Variants in PARD3B observed in about 807,000 individuals in gnomAD.
PARD3B encodes par-3 family cell polarity regulator beta, also known as partitioning defective 3 homolog B.
In PARD3B, 103 loss-of-function variants were observed where a neutral mutation model predicts 130.2. That is an observed-to-expected ratio of 0.79 (90% CI 0.67 to 0.93). The LOEUF is 0.93. Among genes scored for constraint, PARD3B ranks in the 40% least tolerant of loss-of-function variants. The pLI, the probability that PARD3B is intolerant of heterozygous loss-of-function variation, is 0.00. For synonymous variants in PARD3B, 583 were observed against 553.2 expected, an observed-to-expected ratio of 1.05 and a Z score of -0.76; for missense variants, 1,609 against 1,499.2, an observed-to-expected ratio of 1.07 and a Z score of -1.21.
At chr2:204,950,680 T>C (rs1689695735) in intron 2 of PARD3B, among the ~76,000 whole-genome samples, 1 of 152,174 alleles carries the variant, frequency 6.6e-6, no homozygotes, top group South Asian at 2.1e-4. Flanking sequence ...AAACAAGACA[T>C]CTCTGCATTT....
rs2048523145 is a variant in PARD3B, at chr2:205,463,522, A to G, written c.3044+22850A>G. 6.6e-6 allele frequency among the ~76,000 whole-genome samples: 1 copy of G among 152,152 alleles called. No individual in the cohort carries two copies. The highest frequency in any genetic ancestry group is 1.5e-5 in the Non-Finnish European group (1 of 68,034). On this transcript the variant is annotated intron_variant, in intron 20 of 22. Transcript: ENST00000406610. This position sits in a 1 kb window ranked among gnomAD's most constrained non-coding sequence, Gnocchi z 4.8. ...TAATTAAGAAGCCAAAATTGGCTAT[A>G]AGCTCAGTGAGCTCTGAGAACGGGG...
intron 10 of PARD3B, among the ~76,000 whole-genome samples, chr2:205,156,280 G>A (rs1374373273): frequency 7.5e-6 from 1 of 133,818 alleles, no homozygotes; most frequent in South Asian, 2.7e-4. Flanking sequence ...GCGGGGGGGG[G>A]AGGAATAGCA....
intron 1 of PARD3B, among the ~76,000 whole-genome samples, chr2:204,636,561 A>G (rs1050452649): frequency 5.3e-5 from 8 of 151,694 alleles, no homozygotes; most frequent in Non-Finnish European, 8.8e-5. Context: ...TCTACCTGAA[A>G]TCTCACAAAG....
In PARD3B at chr2:205,193,270, C is replaced by T. The variant is rs777246153; in HGVS notation, c.2090C>T (p.Ala697Val). ...ATCAACTTCAGATCTGTGACACCGG[C>T]CAGGCAGCCTGAATCAATTAATTTG... ...QHINFRSVTP[A>V]RQPESINLKA... Residue 697 changes from alanine to valine, a missense_variant, in exon 15 of 23, where the codon GCC becomes GTC. Physicochemically the swap from Ala to Val is moderately conservative, Grantham distance 64. Coordinates refer to ENST00000406610, the MANE Select transcript of PARD3B (RefSeq NM_001302769.2). The T allele has an allele frequency of 1.9e-6, 3 of 1,613,680 alleles. No homozygotes were observed. Among genetic ancestry groups the T allele is most frequent in the South Asian group, 1.1e-5 (1 of 91,064 alleles).
At chr2:205,194,950 A>ATTTTTTTTTTTT (rs56836818) in intron 15 of PARD3B, among the ~76,000 whole-genome samples, 219 of 111,158 alleles carry the variant, frequency 2.0e-3, no homozygotes, top group African/African-American at 5.6e-3. Context: ...CGCCAGGCTA[A>ATTTTTTTTTTTT]TTTTTTTTTT....
chr2:204,683,690 C>T (rs1374476510), intron 1 of PARD3B, among the ~76,000 whole-genome samples: 1 of 151,958 alleles, frequency 6.6e-6, no homozygotes, highest in African/African-American at 2.4e-5. Context: ...TGTTTTTGTT[C>T]AGGGTTAGGT....
chr2:205,326,627 T>G (rs2042948519), intron 18 of PARD3B, among the ~76,000 whole-genome samples: 1 of 152,160 alleles, frequency 6.6e-6, no homozygotes, highest in South Asian at 2.1e-4. Flanking sequence ...GGGAAAAAAT[T>G]TACAATCTTA....
chr2:204,643,115 C>CAAAA (rs71029202), intron 1 of PARD3B, among the ~76,000 whole-genome samples: 592 of 31,792 alleles, frequency 0.019, 49 homozygotes, highest in African/African-American at 0.055. Context: ...CTCTGTCTCA[C>CAAAA]AAAAAAAAAA....
chr2:205,609,428 G>A (rs747700188), intron 22 of PARD3B, among the ~76,000 whole-genome samples: 2 of 152,108 alleles, frequency 1.3e-5, no homozygotes, highest in Non-Finnish European at 2.9e-5. Context: ...TTCTGCCAAC[G>A]GGTACAGGCA....
intron 2 of PARD3B, among the ~76,000 whole-genome samples, chr2:204,964,509 G>T (rs973451785): frequency 6.6e-6 from 1 of 152,160 alleles, no homozygotes; most frequent in Non-Finnish European, 1.5e-5. Flanking sequence ...AGTCTTATTG[G>T]ACTTAGCATT....
At position 205,312,337 on chromosome 2, in the gene PARD3B, C is replaced by T. The variant is rs141613660; in HGVS notation, c.2630+10636C>T. ...GTGCTTTGCTTCATGAAGTAGAGGC[C>T]GGTTTGAAACATGAAATTTCAGATG... On this transcript the variant is annotated intron_variant, in intron 18 of 22. Transcript: ENST00000406610. 4.2e-3 allele frequency among the ~76,000 whole-genome samples: 646 copies of T among 152,136 alleles called. 7 individuals carry two copies. Among genetic ancestry groups the T allele is most frequent in the African/African-American group, 0.014 (589 of 41,512 alleles).
chr2:204,820,224 C>T (rs780020387), intron 2 of PARD3B, among the ~76,000 whole-genome samples: 40 of 151,622 alleles, frequency 2.6e-4, no homozygotes, highest in Non-Finnish European at 4.3e-4. Context: ...AACAGGCGTA[C>T]ACCACCATGC....
intron 4 of PARD3B, among the ~76,000 whole-genome samples, chr2:205,058,685 T>A (rs1699884135): frequency 6.6e-6 from 1 of 152,052 alleles, no homozygotes; most frequent in Non-Finnish European, 1.5e-5. Context: ...ATTTCCCTAA[T>A]GCTTAGTGAT....
chr2:205,063,930 A>T (rs1324246394), intron 4 of PARD3B, among the ~76,000 whole-genome samples: 4 of 78,710 alleles, frequency 5.1e-5, no homozygotes, highest in South Asian at 1.7e-3. Context: ...GCTTGGAAAT[A>T]AAAAAAAACG....
chr2:205,381,092 T>A (rs1357788273), intron 18 of PARD3B, among the ~76,000 whole-genome samples: 1 of 99,820 alleles, frequency 1.0e-5, no homozygotes, highest in Admixed American at 1.3e-4. Flanking sequence ...ATATAAAGAA[T>A]ATATAATATA....
Position 204,691,639 on chromosome 2 carries a change from G to A in PARD3B, c.222+5357G>A, listed in dbSNP as rs564695427. Among the ~76,000 whole-genome samples, 190 of 152,158 alleles carry A rather than the reference G, an allele frequency of 1.2e-3. 1 individual carries two copies. The highest frequency in any genetic ancestry group is 4.5e-3 in the African/African-American group (185 of 41,544). On this transcript the variant is annotated intron_variant, in intron 2 of 22. Transcript: ENST00000406610. ...GTAGGTAAACTATATAAAATTTTAA[G>A]TATAGTATAGCATATACTGAGAACT...
chr2:205,427,627 T>C (rs2047188031), intron 19 of PARD3B, among the ~76,000 whole-genome samples: 1 of 152,158 alleles, frequency 6.6e-6, no homozygotes, highest in Non-Finnish European at 1.5e-5. Context: ...AATATAGTTA[T>C]ATTGCATGGG....
At chr2:204,654,607 T>G (rs1247750151) in intron 1 of PARD3B, among the ~76,000 whole-genome samples, 1 of 152,164 alleles carries the variant, frequency 6.6e-6, no homozygotes, top group Non-Finnish European at 1.5e-5. Flanking sequence ...TGGATTTTAG[T>G]TTTTCACTGG....
chr2:205,508,530 C>A (rs2050462224), intron 21 of PARD3B, among the ~76,000 whole-genome samples: 1 of 151,084 alleles, frequency 6.6e-6, no homozygotes, highest in African/African-American at 2.4e-5. Context: ...CATAATCATG[C>A]CACTGCATTC....
Sources: gnomAD v4.1 joint callset for allele counts (sites outside exome capture counted in the v4.1 genomes callset) on GRCh38, gnomAD v4.1.1 for gene constraint, Gnocchi (gnomAD v3.1) non-coding constraint, MANE v1.5 for transcripts, NCBI Gene and HGNC (gene_info 2026-07-23, HGNC 2026-07-21) for gene names.